Variants in SCYL3 observed in about 807,000 individuals in gnomAD.
SCYL3 encodes the protein protein-associating with the carboxyl-terminal domain of ezrin.
Under a neutral mutation model 73.8 loss-of-function variants are expected in SCYL3, and 35 were observed. The ratio of observed to expected loss-of-function variants is 0.47; its 90% CI spans 0.36 to 0.63. The LOEUF is 0.63. SCYL3 is among the 20% of genes least tolerant of loss of function. SCYL3 has a pLI of 0.00. For missense variants in SCYL3, 712 were observed against 798.9 expected (o/e 0.89, Z 1.31); for synonymous variants, 277 against 295.2 (o/e 0.94, Z 0.63).
At chr1:169,855,025 G>A in intron 11 of SCYL3, 61 bp from the exon 12 acceptor site, 2 of 1,222,956 alleles carry the variant, frequency 1.6e-6, no homozygotes, top group South Asian at 1.5e-5. Flanking sequence ...ACACTTATGG[G>A]AAGGATAGCA....
In SCYL3 at chr1:169,876,095, G is replaced by T; in HGVS notation, c.352-4C>A. The T allele has an allele frequency of 7.2e-7, 1 of 1,384,798 alleles. No individual in the cohort carries two copies. The highest frequency in any genetic ancestry group is 9.7e-7 in the Non-Finnish European group (1 of 1,030,380). 85.8% of individuals were successfully genotyped at this position (1,384,798 alleles called of 1,614,324 possible). On this transcript the variant is annotated splice_polypyrimidine_tract_variant and splice_region_variant and intron_variant, in intron 3 of 12. Coordinates refer to ENST00000367771, the MANE Select transcript of SCYL3 (RefSeq NM_020423.7). ...CATTATTGTGTGTTAGGTGTCCCTGGAAAAAAAAAAGAACAGAAGGAAGAG... is the reference window on the plus strand; with the variant it reads ...CATTATTGTGTGTTAGGTGTCCCTGTAAAAAAAAAAGAACAGAAGGAAGAG...
intron 1 of SCYL3, among the ~76,000 whole-genome samples, chr1:169,889,365 A>T (rs1308918200): frequency 6.6e-6 from 1 of 152,222 alleles, no homozygotes; most frequent in Non-Finnish European, 1.5e-5. Flanking sequence ...TAATATGTTG[A>T]AAAACATTGT....
Position 169,853,034 on chromosome 1 carries a change from A to C in SCYL3, c.*679T>G, listed in dbSNP as rs1041861119. 6.3e-7 allele frequency: 1 copy of C among 1,575,110 alleles called. No individual in the cohort carries two copies. Among genetic ancestry groups the C allele is most frequent in the Non-Finnish European group, 8.7e-7 (1 of 1,145,590 alleles). On this transcript the variant is annotated 3_prime_UTR_variant, in exon 13 of 13. Transcript: ENST00000367771. ...GGGTTTGATGCTTTGTCAACTGAAA[A>C]TACTTATGTCTGTACATTTTCTAAC...
At chr1:169,870,588 G>A (rs1002089987) in intron 5 of SCYL3, among the ~76,000 whole-genome samples, 5 of 152,142 alleles carry the variant, frequency 3.3e-5, no homozygotes, top group South Asian at 4.1e-4. Flanking sequence ...GGCACATGTC[G>A]GTGGCTTTTA....
chr1:169,884,729 C>G (rs1171023672), intron 2 of SCYL3, among the ~76,000 whole-genome samples: 4 of 152,214 alleles, frequency 2.6e-5, no homozygotes, highest in Non-Finnish European at 4.4e-5. Flanking sequence ...TTTTACTCTA[C>G]AATGCCTAGA....
At chr1:169,876,543 C>A (rs1396668221) in intron 3 of SCYL3, among the ~76,000 whole-genome samples, 4 of 152,130 alleles carry the variant, frequency 2.6e-5, no homozygotes, top group Non-Finnish European at 5.9e-5. Context: ...TCTCTAAATT[C>A]TTTCTCACCC....
At position 169,882,631 on chromosome 1, in the gene SCYL3, C is replaced by A. The variant is rs141167209; in HGVS notation, c.166-3812G>T. Among the ~76,000 whole-genome samples the A allele has an allele frequency of 3.2e-3, 484 of 152,202 alleles. 5 individuals carry two copies. The highest frequency in any genetic ancestry group is 0.011 in the African/African-American group (445 of 41,510). ...TCTAGCTCAGGGACTGTAAATACAC[C>A]AGTCAGCACTCTGTATCTAGCTCAA... On this transcript the variant is annotated intron_variant, in intron 2 of 12. Coordinates refer to ENST00000367771, the MANE Select transcript of SCYL3 (RefSeq NM_020423.7).
At chr1:169,862,586 T>C (rs1659728731) in intron 10 of SCYL3, 27 bp downstream of exon 10, 10 of 1,612,450 alleles carry the variant, frequency 6.2e-6, no homozygotes, top group Non-Finnish European at 8.5e-6. Flanking sequence ...GTTCTGTGAC[T>C]ACCCCACTGC....
At chr1:169,890,620 C>T (rs973195885) in intron 1 of SCYL3, among the ~76,000 whole-genome samples, 1 of 152,134 alleles carries the variant, frequency 6.6e-6, no homozygotes, top group Non-Finnish European at 1.5e-5. Context: ...CCACAACCAT[C>T]GTTATATAAG....
At chr1:169,864,221 T>C in intron 9 of SCYL3, 148 bp downstream of exon 9, 4 of 1,033,246 alleles carry the variant, frequency 3.9e-6, no homozygotes, top group Non-Finnish European at 5.8e-6. Flanking sequence ...AGGTTTGAAT[T>C]AAAGTTATCA....
intron 2 of SCYL3, among the ~76,000 whole-genome samples, chr1:169,881,916 G>A (rs927047266): frequency 6.6e-6 from 1 of 152,220 alleles, no homozygotes; most frequent in Non-Finnish European, 1.5e-5. Context: ...CTGCTCCTAT[G>A]AGAATCTAAT....
chr1:169,887,925 G>A (rs1260453230), intron 2 of SCYL3, among the ~76,000 whole-genome samples: 3 of 152,174 alleles, frequency 2.0e-5, no homozygotes, highest in Admixed American at 1.3e-4. Flanking sequence ...GGGACTCAAG[G>A]TAATAGAGAT....
Position 169,849,695 on chromosome 1 carries a change from C to A in SCYL3, c.*4018G>T. The A allele has an allele frequency of 9.9e-7, 1 of 1,007,476 alleles. No individual in the cohort carries two copies. The highest frequency in any genetic ancestry group is 1.5e-6 in the Non-Finnish European group (1 of 660,744). The allele number at this position is 1,007,476 out of a possible 1,614,324, so 62.4% of individuals were successfully genotyped here. On this transcript the variant is annotated 3_prime_UTR_variant, in exon 13 of 13. Transcript: ENST00000367771. ...CAATCCCAAAACATTTATTGAACTG[C>A]TTCTGTATTGCAATCGGAAAATTGT... is the stretch of plus-strand genomic sequence containing the variant.
At chr1:169,870,587 C>T (rs748207620) in intron 5 of SCYL3, among the ~76,000 whole-genome samples, 8 of 152,078 alleles carry the variant, frequency 5.3e-5, no homozygotes, top group East Asian at 1.9e-4. Context: ...TGGCACATGT[C>T]GGTGGCTTTT....
intron 5 of SCYL3, among the ~76,000 whole-genome samples, chr1:169,870,611 C>T (rs1660323853): frequency 6.6e-6 from 1 of 152,114 alleles, no homozygotes; most frequent in African/African-American, 2.4e-5. Flanking sequence ...AATATTTTCA[C>T]AGCAATCCAT....
At position 169,853,401 on chromosome 1, in the gene SCYL3, C is replaced by T. The variant is rs958862535; in HGVS notation, c.*312G>A. 1 of 359,516 alleles carries T rather than the reference C, an allele frequency of 2.8e-6. No individual in the cohort carries two copies. Among genetic ancestry groups the T allele is most frequent in the East Asian group, 5.1e-5 (1 of 19,732 alleles). 22.3% of individuals were successfully genotyped at this position (359,516 alleles called of 1,614,324 possible). A position where few individuals can be genotyped will look rare whatever the true frequency, so the allele number is the denominator to read the frequency against. ...GCTTGAATTACATTTTCTTTACTTCCAGAATTGTCCTGGAAAAAGCAGTAA... is the reference window on the plus strand; with the variant it reads ...GCTTGAATTACATTTTCTTTACTTCTAGAATTGTCCTGGAAAAAGCAGTAA... On this transcript the variant is annotated 3_prime_UTR_variant, in exon 13 of 13. Transcript: ENST00000367771.
chr1:169,885,976 G>A (rs1661652711), intron 2 of SCYL3, among the ~76,000 whole-genome samples: 1 of 152,162 alleles, frequency 6.6e-6, no homozygotes, highest in Non-Finnish European at 1.5e-5. Context: ...CCACGTAAGA[G>A]CACTGGATTC....
intron 6 of SCYL3, among the ~76,000 whole-genome samples, chr1:169,869,788 G>T (rs887497053): frequency 5.9e-5 from 9 of 151,924 alleles, no homozygotes; most frequent in Admixed American, 2.0e-4. Context: ...GGCAATGAAA[G>T]AAAAAAGTGA....
At chr1:169,868,058 T>C (rs1048854314) in intron 7 of SCYL3, among the ~76,000 whole-genome samples, 11 of 152,128 alleles carry the variant, frequency 7.2e-5, no homozygotes, top group Admixed American at 7.2e-4. Flanking sequence ...AAAAACATCC[T>C]CAAAAAAGAC....
Sources: allele counts gnomAD v4.1 joint callset (sites outside exome capture counted in the v4.1 genomes callset), GRCh38; gene constraint gnomAD v4.1.1; transcripts MANE v1.5; gene names NCBI Gene and HGNC (gene_info 2026-07-23, HGNC 2026-07-21).